THOC5: variants seen among roughly 807,000 people sequenced by gnomAD.
The protein encoded by THOC5 is Fms-interacting protein.
Under a neutral mutation model 92.9 loss-of-function variants are expected in THOC5, and 43 were observed. The observed-to-expected ratio is 0.46, with a 90% CI of 0.36 to 0.60. The LOEUF is 0.60. THOC5 is among the 20% of genes least tolerant of loss of function. The pLI is 0.00. For synonymous variants in THOC5, 296 were observed against 320.1 expected (o/e 0.92, Z 0.80); for missense variants, 659 against 849.4 (o/e 0.78, Z 2.79).
chr22:29,510,503 C>T (rs1048185150), intron 19 of THOC5, among the ~76,000 whole-genome samples: 5 of 152,052 alleles, frequency 3.3e-5, no homozygotes, highest in Non-Finnish European at 5.9e-5. Context: ...GAGGCTGAGG[C>T]GGAAGGATCG....
At chr22:29,537,614 G>A (rs1022139011) in intron 6 of THOC5, among the ~76,000 whole-genome samples, 13 of 152,168 alleles carry the variant, frequency 8.5e-5, no homozygotes, top group Middle Eastern at 3.4e-3. Flanking sequence ...AAAATTGGCC[G>A]GGCACAGTGG....
chr22:29,541,882 AAAAAAAAAAAAATATATAT>A (rs2063899495), intron 5 of THOC5, among the ~76,000 whole-genome samples: 2 of 83,736 alleles, frequency 2.4e-5, no homozygotes, highest in African/African-American at 4.1e-5. Context: ...AAAAAAAAAA[AAAAAAAAAAAAATATATAT>A]ATATATATAT....
At chr22:29,530,884 C>G (rs1434357441) in intron 8 of THOC5, among the ~76,000 whole-genome samples, 1 of 152,178 alleles carries the variant, frequency 6.6e-6, no homozygotes, top group Non-Finnish European at 1.5e-5. Flanking sequence ...AAACTTCCCC[C>G]AAGTGGCTGA....
chr22:29,537,364 G>A (rs977379916), intron 6 of THOC5, among the ~76,000 whole-genome samples: 3 of 152,202 alleles, frequency 2.0e-5, no homozygotes, highest in African/African-American at 7.2e-5. Context: ...GACTCGGCCG[G>A]GAATGGTGGC....
chr22:29,518,636 C>T (rs1005209561), intron 15 of THOC5, among the ~76,000 whole-genome samples: 1 of 152,204 alleles, frequency 6.6e-6, no homozygotes, highest in African/African-American at 2.4e-5. Flanking sequence ...CAGTTCTTCC[C>T]CCAGCACTAT....
At chr22:29,530,719 G>A (rs2063636495) in intron 8 of THOC5, among the ~76,000 whole-genome samples, 1 of 152,106 alleles carries the variant, frequency 6.6e-6, no homozygotes, top group Non-Finnish European at 1.5e-5. Flanking sequence ...GCATACACCA[G>A]GTATGACACC....
At position 29,543,636 on chromosome 22, in the gene THOC5, A is replaced by G. The variant is rs1277794421; in HGVS notation, c.241-94T>C. 3.9e-5 allele frequency: 31 copies of G among 798,910 alleles called. No homozygotes were observed. The South Asian group carries it at 5.4e-4, about 14-fold the overall frequency. The allele number at this position is 798,910 out of a possible 1,614,324, so 49.5% of individuals were successfully genotyped here. On this transcript the variant is annotated intron_variant, in intron 3 of 19. Coordinates refer to ENST00000490103, the MANE Select transcript of THOC5 (RefSeq NM_003678.5). ...ACTGACCCATCCTCATCTGGGGCCA[A>G]AAACGGCACCGGAGGGAGCTCAGAA...
At chr22:29,548,875 C>G (rs1452344639) in intron 2 of THOC5, among the ~76,000 whole-genome samples, 177 bp downstream of exon 2, 2 of 152,068 alleles carry the variant, frequency 1.3e-5, no homozygotes, top group East Asian at 3.9e-4. Flanking sequence ...TGCAGCTAAA[C>G]CAGATGTGGA....
At chr22:29,550,042 G>C (rs1029103166) in intron 1 of THOC5, among the ~76,000 whole-genome samples, 7 of 152,088 alleles carry the variant, frequency 4.6e-5, no homozygotes, top group African/African-American at 1.7e-4. Flanking sequence ...GCCTGGCAGA[G>C]TGCTCCATAA....
chr22:29,530,695 G>C (rs894791872), intron 8 of THOC5, among the ~76,000 whole-genome samples: 6 of 152,128 alleles, frequency 3.9e-5, no homozygotes, highest in African/African-American at 1.4e-4. Context: ...CAGCACATGA[G>C]CTAACAGCCT....
At chr22:29,516,994 T>C (rs2063345104) in intron 17 of THOC5, 35 bp downstream of exon 17, 1 of 1,609,842 alleles carries the variant, frequency 6.2e-7, no homozygotes, top group Non-Finnish European at 8.5e-7. Context: ...GCAGCGCCCT[T>C]TGTCTAGAAC....
chr22:29,536,475 C>A, intron 7 of THOC5, 149 bp downstream of exon 7: 1 of 598,976 alleles, frequency 1.7e-6, no homozygotes. Flanking sequence ...ACAAGCTTAT[C>A]ACACCAACTG....
At chr22:29,513,126 G>A (rs1057510697) in intron 17 of THOC5, among the ~76,000 whole-genome samples, 5 of 152,120 alleles carry the variant, frequency 3.3e-5, no homozygotes, top group African/African-American at 7.2e-5. Flanking sequence ...CGAGGTGGGC[G>A]GATCACGAGA....
chr22:29,545,605 A>C (rs8139326), intron 2 of THOC5, among the ~76,000 whole-genome samples: 1,883 of 152,296 alleles, frequency 0.012, 38 homozygotes, highest in African/African-American at 0.043. Context: ...GCAAGACCAA[A>C]ATCCAGTAGG....
chr22:29,509,962 G>A (rs114340893), intron 19 of THOC5, among the ~76,000 whole-genome samples: 1 of 152,312 alleles, frequency 6.6e-6, no homozygotes, highest in African/African-American at 2.4e-5. Flanking sequence ...GGGAACAAGG[G>A]GGGATGTTCT....
At chr22:29,520,480 GTTTTT>G (rs200955877) in intron 13 of THOC5, among the ~76,000 whole-genome samples, 1 of 151,838 alleles carries the variant, frequency 6.6e-6, no homozygotes, top group East Asian at 1.9e-4. Context: ...CTTCCAGAGG[GTTTTT>G]TTTGTTTTTC....
intron 17 of THOC5, among the ~76,000 whole-genome samples, chr22:29,515,663 C>CA (rs202113737): frequency 0.08 from 4,401 of 55,118 alleles, 171 homozygotes; most frequent in African/African-American, 0.19. Context: ...CTTATCTCTA[C>CA]AAAAAAAAAA....
intron 2 of THOC5, among the ~76,000 whole-genome samples, chr22:29,548,327 A>C (rs1025696884): frequency 6.6e-6 from 1 of 152,160 alleles, no homozygotes; most frequent in Non-Finnish European, 1.5e-5. Flanking sequence ...AGGCCAAGGC[A>C]GGTAGATCAC....
intron 6 of THOC5, among the ~76,000 whole-genome samples, chr22:29,538,829 G>C (rs1179219976): frequency 7.3e-6 from 1 of 136,270 alleles, no homozygotes. Flanking sequence ...AAAAAAAAAG[G>C]GCCAGGCACA....
Sources: gnomAD v4.1 joint callset for allele counts (sites outside exome capture counted in the v4.1 genomes callset) on GRCh38, gnomAD v4.1.1 for gene constraint, MANE v1.5 for transcripts, NCBI Gene and HGNC (gene_info 2026-07-23, HGNC 2026-07-21) for gene names.